The following RECK variants were observed in gnomAD, a reference collection of about 807,000 sequenced individuals.
The protein encoded by RECK is reversion-inducing cysteine-rich protein with Kazal motifs.
In RECK, 69 loss-of-function variants were observed where a neutral mutation model predicts 115.1. The observed-to-expected ratio is 0.60, with a 90% confidence interval of 0.49 to 0.73. The LOEUF (loss-of-function observed/expected upper bound fraction) is 0.73. Among genes scored for constraint, RECK ranks in the 30% least tolerant of loss-of-function variants. The pLI, the probability that RECK is intolerant of heterozygous loss-of-function variation, is 0.00. For missense variants in RECK, 1,047 were observed against 1,203.7 expected (o/e 0.87, Z 1.93); for synonymous variants, 414 against 419.7 (o/e 0.99, Z 0.17).
chr9:36,124,133 T>C lies in RECK; in HGVS notation c.*1088T>C, dbSNP rs1215253877. The C allele has an allele frequency of 6.5e-6, 1 of 152,796 alleles. No individual in the cohort carries two copies. Among genetic ancestry groups the C allele is most frequent in the East Asian group, 1.9e-4 (1 of 5,190 alleles). The allele number at this position is 152,796 out of a possible 1,614,324, so 9.5% of individuals were successfully genotyped here. ...GTGTCAAGCTGAGTATTAAAATGTA[T>C]GCATGTTGTCTAAGAAATTGAATAC... is the stretch of plus-strand genomic sequence containing the variant. On this transcript the variant is annotated 3_prime_UTR_variant, in exon 21 of 21. Transcript: ENST00000377966.
At chr9:36,120,503 AG>A (rs950486593) in intron 18 of RECK, among the ~76,000 whole-genome samples, 159 bp from the exon 19 acceptor site, 1 of 152,192 alleles carries the variant, frequency 6.6e-6, no homozygotes, top group African/African-American at 2.4e-5. Context: ...TAGAGATGAG[AG>A]GACTCCAGGT....
chr9:36,089,604 G>A (rs1442872416), intron 9 of RECK, among the ~76,000 whole-genome samples: 2 of 152,064 alleles, frequency 1.3e-5, no homozygotes, highest in East Asian at 3.9e-4. Flanking sequence ...CATGTGATGG[G>A]TCACAGTCAA....
At chr9:36,050,355 A>G (rs1170809784) in intron 1 of RECK, among the ~76,000 whole-genome samples, 1 of 152,146 alleles carries the variant, frequency 6.6e-6, no homozygotes, top group Admixed American at 6.5e-5. Context: ...CCTTACAGTC[A>G]TTCTTAATTC....
intron 6 of RECK, 47 bp from the exon 7 acceptor site, chr9:36,080,558 C>G: frequency 6.8e-7 from 1 of 1,460,690 alleles, no homozygotes; most frequent in East Asian, 2.3e-5. Flanking sequence ...ATTACAAATT[C>G]TCTCTGGTTG....
chr9:36,041,339 T>C (rs1820855577), intron 1 of RECK, among the ~76,000 whole-genome samples: 1 of 152,238 alleles, frequency 6.6e-6, no homozygotes, highest in Non-Finnish European at 1.5e-5. Flanking sequence ...AGATGTGTTC[T>C]GACCATGAGA....
Position 36,052,179 on chromosome 9 carries a change from A to G in RECK, c.101-86A>G, listed in dbSNP as rs1821332997. On this transcript the variant is annotated intron_variant, in intron 1 of 20. Transcript: ENST00000377966. ...AATAATAATAATCATCATCTACTGA[A>G]TAAATGGTTTGTGTAACCATCTGAA... is the stretch of plus-strand genomic sequence containing the variant. The G allele has an allele frequency of 7.5e-6, 6 of 795,102 alleles. No individual in the cohort carries two copies. The Admixed American group carries it at 9.0e-5, about 12-fold the overall frequency. The allele number at this position is 795,102 out of a possible 1,614,324, so 49.3% of individuals were successfully genotyped here.
chr9:36,117,249 C>G, intron 17 of RECK, 72 bp downstream of exon 17: 1 of 1,256,518 alleles, frequency 8.0e-7, no homozygotes, highest in Non-Finnish European at 1.1e-6. Flanking sequence ...ACAGATGAAT[C>G]AACAGTAAGA....
intron 8 of RECK, chr9:36,085,539 A>G (rs80040988): frequency 6.6e-6 from 1 of 152,558 alleles, no homozygotes; most frequent in Non-Finnish European, 1.5e-5. Flanking sequence ...CTGGGTAACA[A>G]AGTGAGAACC....
At chr9:36,103,394 G>A (rs1013279039) in intron 12 of RECK, among the ~76,000 whole-genome samples, 1 of 152,200 alleles carries the variant, frequency 6.6e-6, no homozygotes, top group African/African-American at 2.4e-5. Flanking sequence ...TTTAGCTTCA[G>A]TCATCAAGAT....
Position 36,121,649 on chromosome 9 carries a change from C to A in RECK, c.2655C>A (p.Ile885=), listed in dbSNP as rs1433450136. The A allele has an allele frequency of 6.2e-7, 1 of 1,614,168 alleles. No individual in the cohort carries two copies. Among genetic ancestry groups the A allele is most frequent in the Non-Finnish European group, 8.5e-7 (1 of 1,180,012 alleles). The stretch of plus-strand genomic sequence containing the variant: ...TCAGCATTGAATCAGAAATTGTGAT[C>A]CTGATCATTCCCGTCGATCACTATC... ...GYFSIESEIV[I]LIIPVDHYPK... is the part of the protein sequence containing the mutation. The change falls in exon 20 of 21, where the codon ATC becomes ATA. Residue 885 remains isoleucine, a synonymous_variant. Transcript: ENST00000377966.
chr9:36,067,609 A>T (rs571892404), intron 6 of RECK, among the ~76,000 whole-genome samples: 29 of 152,306 alleles, frequency 1.9e-4, no homozygotes, highest in African/African-American at 6.7e-4. Flanking sequence ...ATCAGATTTT[A>T]TAGAGTCTGG....
intron 18 of RECK, 71 bp downstream of exon 18, chr9:36,119,038 T>A: frequency 7.0e-7 from 1 of 1,422,784 alleles, no homozygotes; most frequent in Non-Finnish European, 9.8e-7. Context: ...AGAGAGTGAG[T>A]CATTGAGAAG....
intron 10 of RECK, among the ~76,000 whole-genome samples, chr9:36,096,138 G>A (rs530958879): frequency 1.3e-5 from 2 of 151,998 alleles, no homozygotes; most frequent in African/African-American, 4.8e-5. Flanking sequence ...TCAGGAGGCT[G>A]AGGTGGGAGG....
intron 17 of RECK, among the ~76,000 whole-genome samples, chr9:36,117,709 G>A (rs560051476): frequency 1.3e-5 from 2 of 152,306 alleles, no homozygotes; most frequent in Admixed American, 6.5e-5. Context: ...TGGGCCGGGC[G>A]CGGTGGCTCA....
chr9:36,097,725 C>G (rs900673984), intron 10 of RECK, among the ~76,000 whole-genome samples: 1 of 152,176 alleles, frequency 6.6e-6, no homozygotes, highest in African/African-American at 2.4e-5. Flanking sequence ...AGATATTTCA[C>G]TCCCACATTC....
intron 11 of RECK, among the ~76,000 whole-genome samples, chr9:36,101,554 GACAAGCAAGAGGCA>G (rs1823567280): frequency 6.6e-6 from 1 of 152,156 alleles, no homozygotes; most frequent in Non-Finnish European, 1.5e-5. Context: ...ACAATTAGGT[GACAAGCAAGAGGCA>G]ACAAGAGGGG....
chr9:36,084,117 T>C (rs371801001), intron 8 of RECK, among the ~76,000 whole-genome samples: 1 of 152,094 alleles, frequency 6.6e-6, no homozygotes, highest in South Asian at 2.1e-4. Context: ...AGTCCAAGGC[T>C]GAGTGTGGTC....
Position 36,077,229 on chromosome 9 carries a change from C to G in RECK, c.406-3376C>G, listed in dbSNP as rs768735217. On this transcript the variant is annotated intron_variant, in intron 6 of 20. Transcript: ENST00000377966. Reference sequence around the variant, plus strand: ...AGGCTCCATAGGAGTGAATACGAACCCTCAGTTACCTCCAAAAGTCAGAAA... The same window carrying G: ...AGGCTCCATAGGAGTGAATACGAACGCTCAGTTACCTCCAAAAGTCAGAAA... 2.6e-5 allele frequency among the ~76,000 whole-genome samples: 4 copies of G among 152,114 alleles called. No individual in the cohort carries two copies. The East Asian group carries it at 5.8e-4, about 22-fold the overall frequency.
intron 6 of RECK, among the ~76,000 whole-genome samples, chr9:36,074,851 A>G (rs754529244): frequency 6.6e-6 from 1 of 152,182 alleles, no homozygotes; most frequent in African/African-American, 2.4e-5. Context: ...ATAGCTTAAA[A>G]CAGTAACAAT....
Sources: allele counts gnomAD v4.1 joint callset (sites outside exome capture counted in the v4.1 genomes callset), GRCh38; gene constraint gnomAD v4.1.1; transcripts MANE v1.5; gene names NCBI Gene and HGNC (gene_info 2026-07-23, HGNC 2026-07-21).